RNF150: variants seen among roughly 807,000 people sequenced by gnomAD.
RNF150 encodes the protein ring finger protein 150.
A neutral mutation model predicts 39.3 loss-of-function variants in RNF150; 24 were observed. The ratio of observed to expected loss-of-function variants is 0.61; its 90% CI spans 0.44 to 0.86. The LOEUF is 0.86. Among genes scored for constraint, RNF150 ranks in the 40% least tolerant of loss-of-function variants. The probability of loss-of-function intolerance (pLI) is 0.00; values close to 1 mark genes in which losing one functional copy is unlikely to be tolerated. For synonymous variants in RNF150, 255 were observed against 227.3 expected (o/e 1.12, Z -1.10); for missense variants, 502 against 587.8 (o/e 0.85, Z 1.51).
At position 140,968,135 on chromosome 4, in the gene RNF150, A is replaced by C. The variant is rs575555867; in HGVS notation, c.485-262T>G. ...ATGATTTTAGTACCAGTGAAGTCAT[A>C]ATCTTGCGATGCCCTTTTCAACTCT... On this transcript the variant is annotated intron_variant, in intron 1 of 6. Transcript: ENST00000515673. 3.9e-5 allele frequency among the ~76,000 whole-genome samples: 6 copies of C among 152,210 alleles called. No homozygotes were observed. In the South Asian group the frequency reaches 1.0e-3, roughly 26 times the overall value.
intron 6 of RNF150, among the ~76,000 whole-genome samples, chr4:140,887,028 G>C (rs1399354104): frequency 1.3e-5 from 2 of 152,118 alleles, no homozygotes; most frequent in Admixed American, 1.3e-4. Flanking sequence ...TTAAGTTCTT[G>C]AATTAAATTT....
chr4:140,947,184 A>G (rs74339087), intron 4 of RNF150, among the ~76,000 whole-genome samples: 1 of 152,004 alleles, frequency 6.6e-6, no homozygotes, highest in African/African-American at 2.4e-5. Flanking sequence ...AAAAAAAAAA[A>G]TGAAAGGGCA....
intron 1 of RNF150, among the ~76,000 whole-genome samples, chr4:141,143,475 C>T (rs887160017): frequency 3.3e-5 from 5 of 152,166 alleles, no homozygotes; most frequent in Admixed American, 3.3e-4. Context: ...CAAACCTACT[C>T]TTCTCTCCAT....
intron 1 of RNF150, among the ~76,000 whole-genome samples, chr4:141,139,106 T>C (rs1450909762): frequency 6.6e-6 from 1 of 152,092 alleles, no homozygotes; most frequent in Non-Finnish European, 1.5e-5. Flanking sequence ...TCCCAACTGC[T>C]TGGGAGGCTG....
At position 140,881,818 on chromosome 4, in the gene RNF150, C is replaced by T. The variant is rs181827106; in HGVS notation, c.1199-13439G>A. Among the ~76,000 whole-genome samples the T allele has an allele frequency of 3.5e-3, 529 of 152,182 alleles. 8 individuals are homozygous for T. Among genetic ancestry groups the T allele is most frequent in the African/African-American group, 0.012 (495 of 41,506 alleles). On this transcript the variant is annotated intron_variant, in intron 6 of 6. Transcript: ENST00000515673. Reference sequence around the variant, plus strand: ...ATATCATGAGCCCAGGAGTTTCAGGCTGCAGTGAGCTATGATCATGTCACT... The same window carrying T: ...ATATCATGAGCCCAGGAGTTTCAGGTTGCAGTGAGCTATGATCATGTCACT...
At chr4:141,185,532 G>C (rs1727989922) in intron 1 of RNF150, among the ~76,000 whole-genome samples, 1 of 151,928 alleles carries the variant, frequency 6.6e-6, no homozygotes, top group African/African-American at 2.4e-5. Flanking sequence ...TTTTTCTCTT[G>C]CCTCATTGTC....
chr4:140,910,990 G>A (rs1273597945), intron 6 of RNF150, 154 bp downstream of exon 6: 5 of 658,472 alleles, frequency 7.6e-6, no homozygotes, highest in African/African-American at 5.4e-5. Context: ...TCTAGGAAAG[G>A]CAGTTCTTCT....
chr4:140,942,327 C>T (rs1732120951), intron 4 of RNF150, among the ~76,000 whole-genome samples: 1 of 152,296 alleles, frequency 6.6e-6, no homozygotes, highest in East Asian at 1.9e-4. Flanking sequence ...AGTGATGGAG[C>T]CCGCCTCAGA....
In RNF150 at chr4:140,878,175, T is replaced by G. The variant is rs552687588; in HGVS notation, c.1199-9796A>C. Among the ~76,000 whole-genome samples, 40 of 147,724 alleles carry G rather than the reference T, an allele frequency of 2.7e-4. No individual in the cohort carries two copies. In the South Asian group the frequency reaches 7.5e-3, roughly 28 times the overall value. ...TGATATCTCATTGTGTTTTTTTTTT[T>G]TTTTTTTTTTCAACAGAATCTTGTT... On this transcript the variant is annotated intron_variant, in intron 6 of 6. Transcript: ENST00000515673.
At chr4:141,050,140 A>C (rs1216966789) in intron 1 of RNF150, among the ~76,000 whole-genome samples, 1 of 152,156 alleles carries the variant, frequency 6.6e-6, no homozygotes, top group African/African-American at 2.4e-5. Flanking sequence ...TACATATATT[A>C]CAATTATAAA....
intron 1 of RNF150, among the ~76,000 whole-genome samples, chr4:141,024,436 A>G (rs1475768088): frequency 2.0e-5 from 3 of 152,198 alleles, no homozygotes; most frequent in Admixed American, 2.0e-4. Flanking sequence ...CATGTGTTCT[A>G]GTAACTCCCA....
At chr4:140,928,465 T>C (rs1239289696) in intron 4 of RNF150, among the ~76,000 whole-genome samples, 2 of 152,146 alleles carry the variant, frequency 1.3e-5, no homozygotes, top group Non-Finnish European at 2.9e-5. Context: ...GGCACCCAAG[T>C]TGGATAAAGC....
At chr4:140,984,315 A>G (rs1733953608) in intron 1 of RNF150, among the ~76,000 whole-genome samples, 1 of 152,136 alleles carries the variant, frequency 6.6e-6, no homozygotes, top group South Asian at 2.1e-4. Flanking sequence ...GGCTTGATAC[A>G]TAAATTATTG....
intron 4 of RNF150, among the ~76,000 whole-genome samples, chr4:140,934,005 T>A (rs1731744615): frequency 6.6e-6 from 1 of 152,202 alleles, no homozygotes; most frequent in Admixed American, 6.5e-5. Flanking sequence ...TTTATTTATT[T>A]TTAAAATTTG....
At chr4:141,033,077 AC>A (rs1312343774) in intron 1 of RNF150, among the ~76,000 whole-genome samples, 1 of 152,140 alleles carries the variant, frequency 6.6e-6, no homozygotes, top group Non-Finnish European at 1.5e-5. Flanking sequence ...TCTTCCTTTC[AC>A]CAAAGATTTC....
chr4:141,029,405 T>C (rs1215440536), intron 1 of RNF150, among the ~76,000 whole-genome samples: 2 of 152,200 alleles, frequency 1.3e-5, no homozygotes, highest in African/African-American at 4.8e-5. Context: ...AGTCCAACAG[T>C]CGTTCTGTAT....
Position 140,948,787 on chromosome 4 carries a change from C to T in RNF150, c.807+514G>A, listed in dbSNP as rs1732425866. ...ATTTCAGAGGGGTTGAATATACTTCCTGCATTTATACTGTAGACAAGTGGA... is the reference window on the plus strand; with the variant it reads ...ATTTCAGAGGGGTTGAATATACTTCTTGCATTTATACTGTAGACAAGTGGA... On this transcript the variant is annotated intron_variant, in intron 3 of 6. Coordinates refer to ENST00000515673, the MANE Select transcript of RNF150 (RefSeq NM_020724.2). Among the ~76,000 whole-genome samples, 4 of 152,142 alleles carry T rather than the reference C, an allele frequency of 2.6e-5. No individual in the cohort carries two copies. In the South Asian group the frequency reaches 8.3e-4, roughly 31 times the overall value.
chr4:140,911,452 T>C (rs1730602963), intron 5 of RNF150, 98 bp from the exon 6 acceptor site: 2 of 978,592 alleles, frequency 2.0e-6, no homozygotes, highest in Non-Finnish European at 3.0e-6. Flanking sequence ...AAAAATTAAG[T>C]TCTTTATTGT....
intron 6 of RNF150, among the ~76,000 whole-genome samples, chr4:140,908,132 A>C (rs1377712361): frequency 6.6e-6 from 1 of 152,206 alleles, no homozygotes; most frequent in Non-Finnish European, 1.5e-5. Context: ...ATAGCATTAG[A>C]GTTGAGTATA....
Sources: allele counts gnomAD v4.1 joint callset (sites outside exome capture counted in the v4.1 genomes callset), GRCh38; gene constraint gnomAD v4.1.1; transcripts MANE v1.5; gene names NCBI Gene and HGNC (gene_info 2026-07-23, HGNC 2026-07-21).